DPYD: variants seen among roughly 807,000 people sequenced by gnomAD.
DPYD encodes the protein dihydropyrimidine dehydrogenase [NADP(+)].
DPYD carries 109 observed loss-of-function variants against 116.2 expected under a neutral mutation model. The observed-to-expected ratio is 0.94, with a 90% CI of 0.80 to 1.10. The LOEUF is 1.10. DPYD is among the 50% of genes least tolerant of loss of function. DPYD has a pLI of 0.00. For missense variants in DPYD, 1,302 were observed against 1,254.5 expected, an observed-to-expected ratio of 1.04 and a Z score of -0.57; for synonymous variants, 440 against 432.0, an observed-to-expected ratio of 1.02 and a Z score of -0.23.
At chr1:97,730,386 T>G (rs763648374) in intron 4 of DPYD, among the ~76,000 whole-genome samples, 2 of 152,062 alleles carry the variant, frequency 1.3e-5, no homozygotes, top group Non-Finnish European at 2.9e-5. Context: ...CACGCCCGGC[T>G]AATTTTTGCA....
At chr1:97,299,752 T>C (rs1666751007) in intron 18 of DPYD, among the ~76,000 whole-genome samples, 1 of 152,106 alleles carries the variant, frequency 6.6e-6, no homozygotes, top group Non-Finnish European at 1.5e-5. Context: ...GTCTGCTTTG[T>C]TGCCATGAAG....
chr1:97,379,585 C>A (rs2101550285), intron 15 of DPYD, among the ~76,000 whole-genome samples: 1 of 152,300 alleles, frequency 6.6e-6, no homozygotes, highest in Non-Finnish European at 1.5e-5. Context: ...CTCCACTGAG[C>A]CTGTCAAAGT....
At chr1:97,160,102 T>C (rs1655779061) in intron 20 of DPYD, among the ~76,000 whole-genome samples, 2 of 152,144 alleles carry the variant, frequency 1.3e-5, no homozygotes, top group South Asian at 4.1e-4. Context: ...CCAATAGTTT[T>C]ATATTTACAG....
chr1:97,557,308 C>CTTTTTTTTTTTT (rs796245332), intron 11 of DPYD, among the ~76,000 whole-genome samples: 101 of 107,132 alleles, frequency 9.4e-4, no homozygotes, highest in Non-Finnish European at 1.3e-3. Context: ...TTTTTCTTTT[C>CTTTTTTTTTTTT]TTTTTTTTTT....
In DPYD at chr1:97,679,173, CG is replaced by C; in HGVS notation, c.771del (p.Cys257TrpfsTer7). 1 of 1,556,952 alleles carries C rather than the reference CG, an allele frequency of 6.4e-7. No individual in the cohort carries two copies. The highest frequency in any genetic ancestry group is 8.8e-7 in the Non-Finnish European group (1 of 1,140,160). On this transcript the variant is annotated frameshift_variant, in exon 8 of 23. Transcript: ENST00000370192. LOFTEE classifies it high-confidence loss of function. ...LMKDLGVKII[C>X]GKSLSVNEMT... Reference sequence around the variant, plus strand: ...ATTTCATTCACTGAAAGGCTTTTACCGCAAATTATCTATAAGAAACAATATT... The same window carrying C: ...ATTTCATTCACTGAAAGGCTTTTACCCAAATTATCTATAAGAAACAATATT...
At chr1:97,526,746 T>C (rs944042855) in intron 12 of DPYD, among the ~76,000 whole-genome samples, 1 of 152,162 alleles carries the variant, frequency 6.6e-6, no homozygotes, top group African/African-American at 2.4e-5. Flanking sequence ...TGTGGACCTC[T>C]CATCTGCTAA....
At chr1:97,185,329 A>C (rs1037941194) in intron 20 of DPYD, among the ~76,000 whole-genome samples, 5 of 152,124 alleles carry the variant, frequency 3.3e-5, no homozygotes, top group Admixed American at 6.6e-5. Flanking sequence ...AAGACTGAGA[A>C]TATCAAAAGG....
At chr1:97,775,994 G>A (rs1666385397) in intron 3 of DPYD, among the ~76,000 whole-genome samples, 1 of 151,914 alleles carries the variant, frequency 6.6e-6, no homozygotes, top group Non-Finnish European at 1.5e-5. Flanking sequence ...ATATGTATAG[G>A]CTACATGTGA....
intron 19 of DPYD, among the ~76,000 whole-genome samples, chr1:97,212,907 G>A (rs1203812161): frequency 2.0e-5 from 3 of 152,104 alleles, no homozygotes; most frequent in African/African-American, 7.2e-5. Context: ...GTCTTAGCCT[G>A]TTTGAACATG....
Position 97,797,733 on chromosome 1 carries a change from C to T in DPYD, c.233+30381G>A, listed in dbSNP as rs1410354224. 2.0e-5 allele frequency: 3 copies of T among 151,886 alleles called. No homozygotes were observed. The East Asian group carries it at 5.8e-4, about 29-fold the overall frequency. The allele number at this position is 151,886 out of a possible 1,614,324, so 9.4% of individuals were successfully genotyped here. A position where few individuals can be genotyped will look rare whatever the true frequency, so the allele number is the denominator to read the frequency against. On this transcript the variant is annotated intron_variant, in intron 3 of 22. Transcript: ENST00000370192. ...TAGTATGTATGTTCCTGTACTAAAC[C>T]AAGCATCATGAGGCCAGCACTATTT...
chr1:97,183,329 C>T (rs1382071346), intron 20 of DPYD, among the ~76,000 whole-genome samples: 1 of 151,908 alleles, frequency 6.6e-6, no homozygotes. Flanking sequence ...TATAGGTATC[C>T]AATAATTCCA....
chr1:97,816,230 T>G (rs1256176378), intron 3 of DPYD, among the ~76,000 whole-genome samples: 1 of 151,536 alleles, frequency 6.6e-6, no homozygotes, highest in Non-Finnish European at 1.5e-5. Context: ...CCAAACACAT[T>G]TTTTAAATGG....
chr1:97,665,497 T>C (rs1659507563), intron 8 of DPYD, among the ~76,000 whole-genome samples: 1 of 152,136 alleles, frequency 6.6e-6, no homozygotes, highest in African/African-American at 2.4e-5. Context: ...GAATAAAAAA[T>C]TGAATTAGTC....
intron 8 of DPYD, among the ~76,000 whole-genome samples, chr1:97,604,729 A>G (rs1655477587): frequency 6.6e-6 from 1 of 152,114 alleles, no homozygotes; most frequent in Non-Finnish European, 1.5e-5. Flanking sequence ...AAATTCCACA[A>G]GAAAATCACC....
At chr1:97,917,961 G>T (rs541989921) in intron 1 of DPYD, among the ~76,000 whole-genome samples, 1 of 152,260 alleles carries the variant, frequency 6.6e-6, no homozygotes, top group South Asian at 2.1e-4. Flanking sequence ...AAGAAGTGCT[G>T]TTAAGTTACT....
intron 2 of DPYD, among the ~76,000 whole-genome samples, chr1:97,882,803 T>C (rs1331583889): frequency 6.6e-6 from 1 of 152,022 alleles, no homozygotes; most frequent in Non-Finnish European, 1.5e-5. Flanking sequence ...TTTGTGAGGG[T>C]GTATTTTTAA....
chr1:97,887,133 G>A (rs929810083), intron 1 of DPYD, among the ~76,000 whole-genome samples: 4 of 151,986 alleles, frequency 2.6e-5, no homozygotes, highest in Non-Finnish European at 5.9e-5. Flanking sequence ...GCTGCACCCT[G>A]TGAGAATGAC....
At chr1:97,802,554 G>A (rs942312179) in intron 3 of DPYD, among the ~76,000 whole-genome samples, 3 of 151,640 alleles carry the variant, frequency 2.0e-5, no homozygotes, top group African/African-American at 7.3e-5. Flanking sequence ...TTCCTTTTGG[G>A]GCCTCAGATC....
At chr1:97,596,536 G>GA (rs1654896688) in intron 8 of DPYD, among the ~76,000 whole-genome samples, 1 of 152,014 alleles carries the variant, frequency 6.6e-6, no homozygotes, top group South Asian at 2.1e-4. Context: ...AAATGCAGGG[G>GA]AAAACATGTA....
Sources: gnomAD v4.1 joint callset for allele counts (sites outside exome capture counted in the v4.1 genomes callset) on GRCh38, gnomAD v4.1.1 for gene constraint, MANE v1.5 for transcripts, NCBI Gene and HGNC (gene_info 2026-07-23, HGNC 2026-07-21) for gene names.